ROBO2: variants seen among roughly 807,000 people sequenced by gnomAD.
ROBO2 encodes the protein roundabout homolog 2.
Under a neutral mutation model 160.8 loss-of-function variants are expected in ROBO2, and 53 were observed. The ratio of observed to expected loss-of-function variants is 0.33; its 90% CI spans 0.26 to 0.41. The LOEUF (loss-of-function observed/expected upper bound fraction) is 0.41. Among genes scored for constraint, ROBO2 ranks in the 10% least tolerant of loss-of-function variants. ROBO2 has a pLI of 1.00. For synonymous variants in ROBO2, 664 were observed against 611.7 expected (o/e 1.09, Z -1.26); for missense variants, 1,577 against 1,722.4 (o/e 0.92, Z 1.49).
At chr3:76,538,528 TACA>T (rs2082640492) in intron 2 of ROBO2, among the ~76,000 whole-genome samples, 1 of 152,180 alleles carries the variant, frequency 6.6e-6, no homozygotes, top group Non-Finnish European at 1.5e-5. Flanking sequence ...TCTAAAGTAG[TACA>T]TGCATAAAAC....
At chr3:77,064,844 T>C (rs114378246) in intron 1 of ROBO2, among the ~76,000 whole-genome samples, 1,695 of 152,292 alleles carry the variant, frequency 0.011, 24 homozygotes, top group African/African-American at 0.037. Flanking sequence ...TGACAAGATA[T>C]TTGTAATAAT....
At chr3:77,326,787 G>A (rs1038348549) in intron 2 of ROBO2, among the ~76,000 whole-genome samples, 7 of 152,152 alleles carry the variant, frequency 4.6e-5, no homozygotes, top group African/African-American at 1.7e-4. Context: ...CGCTTCTTCA[G>A]GGATAAGAAC....
intron 2 of ROBO2, among the ~76,000 whole-genome samples, chr3:76,064,211 A>T (rs2068164926): frequency 6.6e-6 from 1 of 152,214 alleles, no homozygotes; most frequent in Non-Finnish European, 1.5e-5. Flanking sequence ...TTCCTGACCC[A>T]TGGAAAATGA....
chr3:77,535,110 T>C (rs879816264), intron 6 of ROBO2, among the ~76,000 whole-genome samples: 1 of 152,224 alleles, frequency 6.6e-6, no homozygotes, highest in Admixed American at 6.5e-5. Flanking sequence ...ATTAATGTTA[T>C]TAAGAAACAT....
At chr3:76,149,751 A>C (rs71625097) in intron 2 of ROBO2, among the ~76,000 whole-genome samples, 3 of 128,174 alleles carry the variant, frequency 2.3e-5, no homozygotes, top group South Asian at 2.7e-4. Flanking sequence ...CACACATCAT[A>C]TGTCTAAAGC....
intron 23 of ROBO2, chr3:77,632,635 G>A (rs2095188694): frequency 9.1e-6 from 14 of 1,535,228 alleles, no homozygotes; most frequent in African/African-American, 8.2e-5. Flanking sequence ...TAGGCTGGAT[G>A]GAACCAGCCT....
chr3:76,391,467 G>A (rs1032982808), intron 2 of ROBO2, among the ~76,000 whole-genome samples: 10 of 151,772 alleles, frequency 6.6e-5, no homozygotes, highest in Non-Finnish European at 1.3e-4. Flanking sequence ...CAAATTGTAT[G>A]TTATCTCCAT....
intron 2 of ROBO2, among the ~76,000 whole-genome samples, chr3:76,876,508 C>T (rs999104261): frequency 1.3e-5 from 2 of 152,020 alleles, no homozygotes; most frequent in Non-Finnish European, 2.9e-5. Context: ...AACCCTGCCT[C>T]TACTAAAAAT....
At chr3:76,612,637 A>C (rs981293603) in intron 2 of ROBO2, among the ~76,000 whole-genome samples, 3 of 152,164 alleles carry the variant, frequency 2.0e-5, no homozygotes, top group African/African-American at 7.2e-5. Flanking sequence ...AGGTGCAGCA[A>C]ACCACCATGG....
intron 2 of ROBO2, among the ~76,000 whole-genome samples, chr3:76,031,158 G>T (rs1195225745): frequency 6.6e-6 from 1 of 151,954 alleles, no homozygotes; most frequent in Non-Finnish European, 1.5e-5. Flanking sequence ...TCATGATTTG[G>T]CTCTCTGTTT....
chr3:76,045,622 T>C (rs1460000051), intron 2 of ROBO2, among the ~76,000 whole-genome samples: 1 of 152,156 alleles, frequency 6.6e-6, no homozygotes, highest in Admixed American at 6.5e-5. Flanking sequence ...AATTTCTCAG[T>C]CAACACCATA....
At chr3:77,497,642 C>A (rs1461250581) in intron 5 of ROBO2, among the ~76,000 whole-genome samples, 1 of 152,040 alleles carries the variant, frequency 6.6e-6, no homozygotes, top group Non-Finnish European at 1.5e-5. Flanking sequence ...CTTTTGCAGG[C>A]AAATATCCAA....
At chr3:75,962,786 C>A (rs928789203) in intron 2 of ROBO2, among the ~76,000 whole-genome samples, 2 of 151,634 alleles carry the variant, frequency 1.3e-5, no homozygotes, top group Admixed American at 6.6e-5. Context: ...TGTGAAAATA[C>A]GTGTGCTTTT....
At chr3:76,990,150 G>A (rs529355890) in intron 2 of ROBO2, among the ~76,000 whole-genome samples, 24 of 152,210 alleles carry the variant, frequency 1.6e-4, no homozygotes, top group Non-Finnish European at 2.9e-4. Context: ...CAGAATTTTA[G>A]GGTAGCTATT....
chr3:77,164,454 G>A lies in ROBO2; in HGVS notation c.388+66114G>A, dbSNP rs567113351. Among the ~76,000 whole-genome samples, 587 of 131,680 alleles carry A rather than the reference G, an allele frequency of 4.5e-3. 7 individuals carry two copies. The highest frequency in any genetic ancestry group is 0.015 in the African/African-American group (545 of 36,218). The allele number at this position is 131,680 out of a possible 152,430, so 86.4% of individuals were successfully genotyped here. On this transcript the variant is annotated intron_variant, in intron 2 of 25. Coordinates refer to ENST00000461745, the Ensembl canonical transcript of ROBO2. ...AGGGAGGTGGGGGGGTCAGCCCCCCGCCTGGCCAGCAGTGCTGTCCGGGAG... is the reference window on the plus strand; with the variant it reads ...AGGGAGGTGGGGGGGTCAGCCCCCCACCTGGCCAGCAGTGCTGTCCGGGAG...
At chr3:75,985,436 A>AAGACAATTGTAAGACAATTGTAAGAC (rs2065389363) in intron 2 of ROBO2, among the ~76,000 whole-genome samples, 1 of 151,638 alleles carries the variant, frequency 6.6e-6, no homozygotes. Context: ...AGACAGTGTT[A>AAGACAATTGTAAGACAATTGTAAGAC]AATATTTGTG....
At chr3:76,413,900 A>T (rs1204308234) in intron 2 of ROBO2, among the ~76,000 whole-genome samples, 1 of 151,216 alleles carries the variant, frequency 6.6e-6, no homozygotes, top group African/African-American at 2.4e-5. Flanking sequence ...CTCCATTTTC[A>T]TGCTGCTGAT....
intron 2 of ROBO2, among the ~76,000 whole-genome samples, chr3:76,932,878 G>T (rs906371626): frequency 6.6e-6 from 1 of 152,126 alleles, no homozygotes; most frequent in East Asian, 1.9e-4. Flanking sequence ...ATGGGCGCTC[G>T]GATATAATGA....
chr3:76,552,003 A>G (rs1464513067), intron 2 of ROBO2, among the ~76,000 whole-genome samples: 2 of 152,088 alleles, frequency 1.3e-5, no homozygotes, highest in African/African-American at 4.8e-5. Flanking sequence ...AGCAGGTGCG[A>G]GCAATACTCA....
Sources: gnomAD v4.1 joint callset for allele counts (sites outside exome capture counted in the v4.1 genomes callset) on GRCh38, gnomAD v4.1.1 for gene constraint, MANE v1.5 for transcripts, NCBI Gene and HGNC (gene_info 2026-07-23, HGNC 2026-07-21) for gene names.